Variants in CPEB3 observed in about 807,000 individuals in gnomAD.
CPEB3 encodes the protein cytoplasmic polyadenylation element-binding protein 3.
A neutral mutation model predicts 67.2 loss-of-function variants in CPEB3; 20 were observed. The ratio of observed to expected loss-of-function variants is 0.30; its 90% CI spans 0.21 to 0.43. The LOEUF (loss-of-function observed/expected upper bound fraction) is 0.43, where lower values mean the gene tolerates loss of function less well. Among genes scored for constraint, CPEB3 ranks in the 20% least tolerant of loss-of-function variants. The pLI is 1.00. For missense variants in CPEB3, 746 were observed against 968.6 expected, an observed-to-expected ratio of 0.77 and a Z score of 3.05; for synonymous variants, 376 against 393.1, an observed-to-expected ratio of 0.96 and a Z score of 0.51.
At chr10:92,054,429 C>CT (rs34272440) in intron 9 of CPEB3, among the ~76,000 whole-genome samples, 202 of 147,598 alleles carry the variant, frequency 1.4e-3, no homozygotes, top group Middle Eastern at 3.5e-3. Flanking sequence ...ATTGCTACAT[C>CT]TTTTTTTTTT....
At chr10:92,175,699 T>C (rs1180786625) in intron 4 of CPEB3, among the ~76,000 whole-genome samples, 2 of 152,204 alleles carry the variant, frequency 1.3e-5, no homozygotes, top group East Asian at 1.9e-4. Flanking sequence ...GAGAAAAAGA[T>C]TCACACAAAA....
At chr10:92,169,799 C>T (rs966123499) in intron 4 of CPEB3, among the ~76,000 whole-genome samples, 1 of 152,142 alleles carries the variant, frequency 6.6e-6, no homozygotes, top group African/African-American at 2.4e-5. Context: ...CTTTTTTATT[C>T]ACTCTTTTTA....
chr10:92,281,985 G>T (rs985725874), intron 1 of CPEB3, among the ~76,000 whole-genome samples: 3 of 152,272 alleles, frequency 2.0e-5, no homozygotes, highest in Middle Eastern at 6.8e-3. Context: ...GAACCCTGGG[G>T]TCTGCAAGGC....
chr10:92,149,374 G>T (rs1483318903), intron 4 of CPEB3, among the ~76,000 whole-genome samples: 1 of 152,210 alleles, frequency 6.6e-6, no homozygotes, highest in African/African-American at 2.4e-5. Flanking sequence ...CTCAGGGAGA[G>T]GGTGGATGAG....
chr10:92,216,459 T>G, intron 2 of CPEB3: 1 of 1,612,918 alleles, frequency 6.2e-7, no homozygotes, highest in African/African-American at 1.3e-5. Context: ...TCTCGCCGCC[T>G]CAAGCGGAAG....
chr10:92,103,151 A>G (rs555278514), intron 7 of CPEB3, among the ~76,000 whole-genome samples: 2 of 152,280 alleles, frequency 1.3e-5, no homozygotes, highest in East Asian at 3.9e-4. Context: ...AAAATAGGGT[A>G]TATTTTGGTC....
At chr10:92,055,250 C>T (rs1158258378) in intron 9 of CPEB3, among the ~76,000 whole-genome samples, 2 of 152,220 alleles carry the variant, frequency 1.3e-5, no homozygotes, top group Non-Finnish European at 2.9e-5. Context: ...ATGCTCCTTA[C>T]TGCCTGAAGG....
intron 1 of CPEB3, among the ~76,000 whole-genome samples, chr10:92,281,678 A>T (rs968450656): frequency 2.0e-5 from 3 of 152,206 alleles, no homozygotes; most frequent in African/African-American, 7.2e-5. Flanking sequence ...ATAGATTGTT[A>T]AAAATATGTG....
intron 7 of CPEB3, among the ~76,000 whole-genome samples, chr10:92,094,796 A>C (rs1213909398): frequency 6.8e-6 from 1 of 147,236 alleles, no homozygotes; most frequent in East Asian, 1.9e-4. Context: ...CTGTGAGAAC[A>C]AAGATTCTAA....
At chr10:92,091,290 C>T (rs1033276856) in intron 8 of CPEB3, among the ~76,000 whole-genome samples, 3 of 152,128 alleles carry the variant, frequency 2.0e-5, no homozygotes, top group Admixed American at 2.0e-4. Context: ...TTTTGTTATA[C>T]TCCACTGGCA....
intron 1 of CPEB3, among the ~76,000 whole-genome samples, chr10:92,249,954 G>A (rs1200869935): frequency 1.3e-5 from 2 of 150,200 alleles, no homozygotes; most frequent in African/African-American, 4.9e-5. Flanking sequence ...CTTGGGAGTC[G>A]GAGGTTGCAG....
chr10:92,108,507 G>A (rs1431305617), intron 7 of CPEB3, among the ~76,000 whole-genome samples: 1 of 152,164 alleles, frequency 6.6e-6, no homozygotes, highest in Non-Finnish European at 1.5e-5. Flanking sequence ...CAAAAATAGA[G>A]CCAAAAGAGT....
intron 2 of CPEB3, among the ~76,000 whole-genome samples, chr10:92,209,048 T>G (rs1341351985): frequency 6.6e-6 from 1 of 152,224 alleles, no homozygotes; most frequent in Non-Finnish European, 1.5e-5. Context: ...CTTTTTATCT[T>G]TAATTCTTGG....
chr10:92,276,308 TGC>T (rs1841985735), intron 1 of CPEB3, among the ~76,000 whole-genome samples: 1 of 137,966 alleles, frequency 7.2e-6, no homozygotes, highest in Admixed American at 7.5e-5. Flanking sequence ...GATGGAGTTT[TGC>T]TCTTGTTGCC....
intron 7 of CPEB3, among the ~76,000 whole-genome samples, chr10:92,104,629 C>T (rs147004606): frequency 5.7e-4 from 86 of 151,954 alleles, no homozygotes; most frequent in African/African-American, 2.1e-3. Flanking sequence ...CCTCATAATC[C>T]GCCCGCCTTG....
chr10:92,250,395 A>T (rs115704533), intron 1 of CPEB3, among the ~76,000 whole-genome samples: 5,550 of 148,174 alleles, frequency 0.037, 318 homozygotes, highest in African/African-American at 0.13. Context: ...GCCAATTTTT[A>T]AAAAAAAAAT....
intron 9 of CPEB3, among the ~76,000 whole-genome samples, chr10:92,069,605 AT>A (rs1448929659): frequency 6.6e-6 from 1 of 152,294 alleles, no homozygotes; most frequent in African/African-American, 2.4e-5. Flanking sequence ...AGGTTTCACC[AT>A]GTTGGCCAGG....
At chr10:92,062,671 T>C (rs1417241199) in intron 9 of CPEB3, among the ~76,000 whole-genome samples, 2 of 152,262 alleles carry the variant, frequency 1.3e-5, no homozygotes, top group Non-Finnish European at 2.9e-5. Flanking sequence ...TTTAGTAGAT[T>C]ATCCAAATTA....
intron 2 of CPEB3, among the ~76,000 whole-genome samples, chr10:92,211,527 TATATC>T (rs1850082163): frequency 1.3e-5 from 2 of 151,758 alleles, no homozygotes; most frequent in African/African-American, 4.8e-5. Flanking sequence ...CATTCAAACA[TATATC>T]ATAATTTTTT....
Sources: gnomAD v4.1 joint callset for allele counts (sites outside exome capture counted in the v4.1 genomes callset) on GRCh38, gnomAD v4.1.1 for gene constraint, MANE v1.5 for transcripts, NCBI Gene and HGNC (gene_info 2026-07-23, HGNC 2026-07-21) for gene names.